Variants in CRISPLD2 observed in about 807,000 individuals in gnomAD.
The protein encoded by CRISPLD2 is cysteine rich secretory protein LCCL domain containing 2.
A neutral mutation model predicts 71.1 loss-of-function variants in CRISPLD2; 47 were observed. That is an observed-to-expected ratio of 0.66 (90% confidence interval 0.52 to 0.84). CRISPLD2 has a LOEUF of 0.84. Among genes scored for constraint, CRISPLD2 ranks in the 40% least tolerant of loss-of-function variants. The pLI is 0.00. For missense variants in CRISPLD2, 830 were observed against 651.1 expected, an observed-to-expected ratio of 1.27 and a Z score of -2.99; for synonymous variants, 317 against 250.1, an observed-to-expected ratio of 1.27 and a Z score of -2.52.
chr16:84,873,260 C>T, intron 10 of CRISPLD2, 138 bp downstream of exon 10: 5 of 967,334 alleles, frequency 5.2e-6, no homozygotes, highest in South Asian at 5.0e-5. Context: ...GGTGGATCAC[C>T]TGAGGTCAGG....
At chr16:84,878,750 G>A (rs1403696570) in intron 12 of CRISPLD2, among the ~76,000 whole-genome samples, 3 of 152,232 alleles carry the variant, frequency 2.0e-5, no homozygotes, top group Admixed American at 2.0e-4. Flanking sequence ...CACCTTCTCA[G>A]GTGGAAAAGG....
chr16:84,889,604 T>C (rs2071643722), intron 14 of CRISPLD2, among the ~76,000 whole-genome samples: 1 of 152,158 alleles, frequency 6.6e-6, no homozygotes, highest in Non-Finnish European at 1.5e-5. Flanking sequence ...AAGAACTTTT[T>C]TTCCTATTAC....
intron 1 of CRISPLD2, among the ~76,000 whole-genome samples, chr16:84,827,943 G>T (rs1459332123): frequency 6.6e-6 from 1 of 152,106 alleles, no homozygotes; most frequent in Non-Finnish European, 1.5e-5. Flanking sequence ...CCCCTCCTCT[G>T]TTCATCTTCG....
intron 2 of CRISPLD2, among the ~76,000 whole-genome samples, chr16:84,844,620 C>T (rs555089861): frequency 2.0e-5 from 3 of 152,258 alleles, no homozygotes; most frequent in Non-Finnish European, 2.9e-5. Context: ...GCCTCAGCCT[C>T]GCAAAGTTCT....
chr16:84,875,715 T>C (rs368994385), intron 11 of CRISPLD2, among the ~76,000 whole-genome samples: 7,897 of 142,948 alleles, frequency 0.055, 710 homozygotes, highest in African/African-American at 0.2. Flanking sequence ...CGCCACCATG[T>C]CCAGCTAATT....
intron 6 of CRISPLD2, among the ~76,000 whole-genome samples, chr16:84,858,215 C>A (rs1043235415): frequency 6.6e-6 from 1 of 152,138 alleles, no homozygotes; most frequent in Non-Finnish European, 1.5e-5. Context: ...TCGTATGGCC[C>A]AAGTGGTAGA....
At chr16:84,854,639 T>A in intron 5 of CRISPLD2, 90 bp from the exon 6 acceptor site, 1 of 906,624 alleles carries the variant, frequency 1.1e-6, no homozygotes, top group Non-Finnish European at 1.8e-6. Flanking sequence ...GTGGCGGTGT[T>A]CAGGGACTCA....
intron 1 of CRISPLD2, among the ~76,000 whole-genome samples, chr16:84,825,559 C>T (rs1597443272): frequency 6.6e-6 from 1 of 152,104 alleles, no homozygotes; most frequent in South Asian, 2.1e-4. Flanking sequence ...AGTTCGAGAC[C>T]AGCCTGGCTA....
intron 14 of CRISPLD2, among the ~76,000 whole-genome samples, chr16:84,894,056 G>A (rs961516164): frequency 7.2e-5 from 11 of 152,206 alleles, no homozygotes; most frequent in Non-Finnish European, 1.5e-4. Flanking sequence ...ACACGGGGCC[G>A]AAGGTCAGTT....
At chr16:84,822,205 A>G (rs1916245766) in intron 1 of CRISPLD2, among the ~76,000 whole-genome samples, 1 of 152,234 alleles carries the variant, frequency 6.6e-6, no homozygotes, top group Non-Finnish European at 1.5e-5. Context: ...CAGGACCCAA[A>G]TCAGTGCTGG....
At chr16:84,846,872 G>A (rs927664810) in intron 3 of CRISPLD2, among the ~76,000 whole-genome samples, 14 of 152,152 alleles carry the variant, frequency 9.2e-5, no homozygotes, top group African/African-American at 1.9e-4. Flanking sequence ...TGCAGCCGAC[G>A]GGCCTTCCCC....
chr16:84,873,505 AC>A (rs1391984798), intron 10 of CRISPLD2: 2,401 of 147,090 alleles, frequency 0.016, 159 homozygotes, highest in East Asian at 0.086. Context: ...AACAACAACA[AC>A]AAAAAAAAAA....
rs534261490 is a variant in CRISPLD2 at position 84,821,541 on chromosome 16, T to C, written c.-75+1408T>C. Among the ~76,000 whole-genome samples the C allele has an allele frequency of 1.8e-3, 277 of 152,276 alleles. 1 individual carries two copies. The highest frequency in any genetic ancestry group is 6.8e-3 in the Middle Eastern group (2 of 294). On this transcript the variant is annotated intron_variant, in intron 1 of 14. Coordinates refer to ENST00000262424, the MANE Select transcript of CRISPLD2 (RefSeq NM_031476.4). ...CTAAGATCCCCCAGCTGGTATGGAA[T>C]GCTGTCACCCCCAGGTGGGTCCTAT...
intron 13 of CRISPLD2, among the ~76,000 whole-genome samples, chr16:84,888,649 C>G (rs190344504): frequency 6.6e-6 from 1 of 152,342 alleles, no homozygotes; most frequent in Admixed American, 6.5e-5. Context: ...TCACTGTATT[C>G]CAGCCACCCT....
chr16:84,862,655 T>C (rs949645531), intron 6 of CRISPLD2, among the ~76,000 whole-genome samples: 3 of 150,028 alleles, frequency 2.0e-5, no homozygotes, highest in Non-Finnish European at 4.4e-5. Context: ...GTGCTGACCA[T>C]GCTCGTGTGG....
At chr16:84,849,233 C>G in intron 3 of CRISPLD2, 152 bp from the exon 4 acceptor site, 3 of 750,840 alleles carry the variant, frequency 4.0e-6, no homozygotes, top group Non-Finnish European at 4.3e-6. Context: ...TCCTCGGCCT[C>G]CCTCCCTCCC....
chr16:84,826,774 A>G (rs4783080), intron 1 of CRISPLD2, among the ~76,000 whole-genome samples: 125,246 of 152,148 alleles, frequency 0.82, 51,855 homozygotes, highest in Non-Finnish European at 0.86. Flanking sequence ...GGGAGGCCCC[A>G]CCGCCAGCTG....
chr16:84,820,410 G>A (rs1916205234), intron 1 of CRISPLD2, among the ~76,000 whole-genome samples: 1 of 152,198 alleles, frequency 6.6e-6, no homozygotes, highest in Non-Finnish European at 1.5e-5. Flanking sequence ...GCTCCTTAGA[G>A]GCTGTTTACT....
At chr16:84,897,289 C>CAAAAA (rs369389521) in intron 14 of CRISPLD2, among the ~76,000 whole-genome samples, 1 of 100,676 alleles carries the variant, frequency 9.9e-6, no homozygotes, top group Non-Finnish European at 2.1e-5. Context: ...ACTAAAAATA[C>CAAAAA]AAAAAAAAAA....
Sources: gnomAD v4.1 joint callset for allele counts (sites outside exome capture counted in the v4.1 genomes callset) on GRCh38, gnomAD v4.1.1 for gene constraint, MANE v1.5 for transcripts, NCBI Gene and HGNC (gene_info 2026-07-23, HGNC 2026-07-21) for gene names.